Variants in QSER1 observed in about 807,000 individuals in gnomAD.
QSER1 encodes glutamine and serine-rich protein 1.
QSER1 carries 49 observed loss-of-function variants against 158.5 expected under a neutral mutation model. The observed-to-expected ratio is 0.31, with a 90% CI of 0.25 to 0.39. The LOEUF is 0.39. Ranked by LOEUF, QSER1 falls within the 10% of genes least tolerant of loss-of-function variation. The probability of loss-of-function intolerance (pLI) is 1.00; values close to 1 mark genes in which losing one functional copy is unlikely to be tolerated. For missense variants in QSER1, 1,754 were observed against 2,010.3 expected (o/e 0.87, Z 2.44); for synonymous variants, 650 against 715.5 (o/e 0.91, Z 1.46).
At position 32,934,873 on chromosome 11, in the gene QSER1, T is replaced by C; in HGVS notation, c.3615T>C (p.Ala1205=). Residue 1205 remains alanine, a synonymous_variant, in exon 4 of 13, where the codon GCT becomes GCC. Coordinates refer to ENST00000650167, the MANE Select transcript of QSER1 (RefSeq NM_001076786.3). ...LMHFNLQKKR[A]KGKGQVKEED... ...ATTTTAACCTTCAAAAGAAAAGAGCTAAAGGAAAAGGGCAAGTTAAAGAGG... is the reference window on the plus strand; with the variant it reads ...ATTTTAACCTTCAAAAGAAAAGAGCCAAAGGAAAAGGGCAAGTTAAAGAGG... 1 of 1,613,828 alleles carries C rather than the reference T, an allele frequency of 6.2e-7. No homozygotes were observed. Among genetic ancestry groups the C allele is most frequent in the Non-Finnish European group, 8.5e-7 (1 of 1,179,952 alleles).
At chr11:32,975,407 G>A (rs754974754) in intron 12 of QSER1, 64 bp downstream of exon 12, 12 of 1,589,086 alleles carry the variant, frequency 7.6e-6, no homozygotes, top group South Asian at 5.6e-5. Context: ...TCTAGCCATA[G>A]TATTTTGGAG....
intron 4 of QSER1, among the ~76,000 whole-genome samples, chr11:32,945,150 T>A (rs1218423081): frequency 8.2e-5 from 11 of 134,840 alleles, no homozygotes; most frequent in Non-Finnish European, 1.6e-5. Flanking sequence ...GAGATGGGTT[T>A]CCTGAATACA....
rs765765272 is a variant in QSER1 at position 32,934,970 on chromosome 11, A to G, written c.3712A>G (p.Ile1238Val). Residue 1238 changes from isoleucine (I) to valine (V), a missense_variant, in exon 4 of 13, where the codon ATT (isoleucine) becomes GTT (valine). Physicochemically the swap from Ile to Val is conservative, Grantham distance 29. Transcript: ENST00000650167. ...GKRQNPRGTD[I>V]YLPYTPPSSE... ...ACGCCAGAATCCAAGGGGAACAGAT[A>G]TTTACTTACCGTATACTCCTCCTTC... The G allele has an allele frequency of 1.2e-6, 2 of 1,614,044 alleles. No individual in the cohort carries two copies. The highest frequency in any genetic ancestry group is 1.3e-5 in the African/African-American group (1 of 74,930).
chr11:32,953,727 T>G, intron 4 of QSER1, 130 bp from the exon 5 acceptor site: 3 of 1,049,994 alleles, frequency 2.9e-6, no homozygotes, highest in Non-Finnish European at 4.0e-6. Flanking sequence ...AATTTCTTCC[T>G]GTGGTTTTGT....
intron 5 of QSER1, among the ~76,000 whole-genome samples, chr11:32,954,691 A>G (rs1852482235): frequency 6.6e-6 from 1 of 152,004 alleles, no homozygotes; most frequent in African/African-American, 2.4e-5. Flanking sequence ...CTTTTTATGT[A>G]TTTTTTAAAA....
Position 32,932,297 on chromosome 11 carries a change from A to G in QSER1, c.1039A>G (p.Asn347Asp), listed in dbSNP as rs763933605. 2 of 1,613,840 alleles carry G rather than the reference A, an allele frequency of 1.2e-6. No homozygotes were observed. Among genetic ancestry groups the G allele is most frequent in the South Asian group, 2.2e-5 (2 of 91,082 alleles). ...SQHSLHSYLS[N>D]SSVVNFQETT... ...GCACTCCTTACATAGTTATCTATCAAATTCAAGTGTAGTTAATTTTCAGGA... is the reference window on the plus strand; with the variant it reads ...GCACTCCTTACATAGTTATCTATCAGATTCAAGTGTAGTTAATTTTCAGGA... The change falls in exon 4 of 13, where the codon AAT becomes GAT. Residue 347 changes from asparagine (N) to aspartate (D), a missense_variant. Around this residue, in one of 2 missense-constraint regions of QSER1, gnomAD observed 1,707 missense variants for 1,919.6 expected, o/e 0.89. Coordinates refer to ENST00000650167, the MANE Select transcript of QSER1 (RefSeq NM_001076786.3).
intron 1 of QSER1, among the ~76,000 whole-genome samples, chr11:32,901,433 G>C: frequency 6.6e-6 from 1 of 152,164 alleles, no homozygotes; most frequent in South Asian, 2.1e-4. Flanking sequence ...AGGGGATCAT[G>C]GTAGCATTTG....
intron 4 of QSER1, among the ~76,000 whole-genome samples, chr11:32,943,473 C>G (rs1852274574): frequency 6.6e-6 from 1 of 151,822 alleles, no homozygotes; most frequent in African/African-American, 2.4e-5. Flanking sequence ...AAGGCCTTTT[C>G]TGCATCTATT....
In QSER1 at chr11:32,907,168, T is replaced by C. The variant is rs548818021; in HGVS notation, c.209+13834T>C. ...TTAGGAAAACAGAAGCATCAAACTT[T>C]TTAAGCTTCTAGATGATTTCAGATG... On this transcript the variant is annotated intron_variant, in intron 1 of 12. Transcript: ENST00000650167. 7.6e-4 allele frequency among the ~76,000 whole-genome samples: 115 copies of C among 152,300 alleles called. 1 individual carries two copies. Among genetic ancestry groups the C allele is most frequent in the African/African-American group, 2.6e-3 (110 of 41,576 alleles).
intron 7 of QSER1, 70 bp downstream of exon 7, chr11:32,956,191 A>T (rs1045859024): frequency 7.6e-7 from 1 of 1,319,490 alleles, no homozygotes. Context: ...CAATGTACAA[A>T]GGAGCATATC....
intron 1 of QSER1, among the ~76,000 whole-genome samples, chr11:32,914,422 G>T (rs1000253109): frequency 6.6e-6 from 1 of 152,108 alleles, no homozygotes; most frequent in African/African-American, 2.4e-5. Flanking sequence ...AGCTTAAAGA[G>T]AATTCTATTT....
chr11:32,910,803 C>G (rs566637153), intron 1 of QSER1, among the ~76,000 whole-genome samples: 1 of 152,160 alleles, frequency 6.6e-6, no homozygotes. Context: ...TTAGGATTTA[C>G]AAGCACTTTC....
chr11:32,941,241 T>A (rs1437062708), intron 4 of QSER1, among the ~76,000 whole-genome samples: 2 of 150,582 alleles, frequency 1.3e-5, no homozygotes, highest in African/African-American at 4.9e-5. Context: ...TTATTATTTT[T>A]AATTATTATA....
At chr11:32,915,565 GTC>G (rs1851820705) in intron 1 of QSER1, among the ~76,000 whole-genome samples, 2 of 152,280 alleles carry the variant, frequency 1.3e-5, no homozygotes, top group Admixed American at 1.3e-4. Flanking sequence ...TCAAAGACGA[GTC>G]TATACTGGTC....
In QSER1 at chr11:32,931,700, T is replaced by C. The variant is rs1313523316; in HGVS notation, c.485-43T>C. 6 of 1,422,972 alleles carry C rather than the reference T, an allele frequency of 4.2e-6. No individual in the cohort carries two copies. In the South Asian group the frequency reaches 8.1e-5, roughly 19 times the overall value. The allele number at this position is 1,422,972 out of a possible 1,614,324, so 88.1% of individuals were successfully genotyped here. ...CATTACTATGAAAACATAAAGTAAT[T>C]GTGCCATAATTACATAAAAATCTTT... On this transcript the variant is annotated intron_variant, in intron 3 of 12. Coordinates refer to ENST00000650167, the MANE Select transcript of QSER1 (RefSeq NM_001076786.3).
At chr11:32,946,837 C>T (rs887142114) in intron 4 of QSER1, among the ~76,000 whole-genome samples, 5 of 151,954 alleles carry the variant, frequency 3.3e-5, no homozygotes, top group Admixed American at 1.3e-4. Flanking sequence ...GCCTCGCTGC[C>T]ACCTTGCAGT....
intron 4 of QSER1, among the ~76,000 whole-genome samples, chr11:32,944,986 C>T (rs1179419793): frequency 3.9e-4 from 54 of 140,208 alleles, no homozygotes; most frequent in South Asian, 2.6e-3. Context: ...TTTACCATTA[C>T]GTAATGGCCT....
At position 32,976,988 on chromosome 11, in the gene QSER1, T is replaced by C. The variant is rs927507094; in HGVS notation, c.*514T>C. ...ATAAGAATATCATCAATTTAAAATA[T>C]AAAATTTGGAAACTATTCTGCTTTA... On this transcript the variant is annotated 3_prime_UTR_variant, in exon 13 of 13. Coordinates refer to ENST00000650167, the MANE Select transcript of QSER1 (RefSeq NM_001076786.3). The C allele has an allele frequency of 6.5e-6, 1 of 152,796 alleles. No homozygotes were observed. The highest frequency in any genetic ancestry group is 1.5e-5 in the Non-Finnish European group (1 of 68,180). The allele number at this position is 152,796 out of a possible 1,614,324, so 9.5% of individuals were successfully genotyped here. A position where few individuals can be genotyped will look rare whatever the true frequency, so the allele number is the denominator to read the frequency against.
intron 1 of QSER1, among the ~76,000 whole-genome samples, chr11:32,908,091 CT>C (rs1851716822): frequency 6.6e-6 from 1 of 151,866 alleles, no homozygotes; most frequent in Non-Finnish European, 1.5e-5. Context: ...GAATGAGACA[CT>C]TTCTCAAAAG....
Sources: allele counts gnomAD v4.1 joint callset (sites outside exome capture counted in the v4.1 genomes callset), GRCh38; gene constraint gnomAD v4.1.1; regional missense constraint gnomAD v4.1.1; transcripts MANE v1.5; gene names NCBI Gene and HGNC (gene_info 2026-07-23, HGNC 2026-07-21).